KCNH1: variants seen among roughly 807,000 people sequenced by gnomAD.
KCNH1 encodes the protein voltage-gated delayed rectifier potassium channel KCNH1.
Under a neutral mutation model 69.2 loss-of-function variants are expected in KCNH1, and 27 were observed. The ratio of observed to expected loss-of-function variants is 0.39; its 90% CI spans 0.29 to 0.54. The LOEUF (loss-of-function observed/expected upper bound fraction) is 0.54. Among genes scored for constraint, KCNH1 ranks in the 20% least tolerant of loss-of-function variants. The probability of loss-of-function intolerance (pLI) is 0.68; values close to 1 mark genes in which losing one functional copy is unlikely to be tolerated. For synonymous variants in KCNH1, 456 were observed against 487.7 expected (o/e 0.93, Z 0.86); for missense variants, 798 against 1,261.6 (o/e 0.63, Z 5.57).
intron 10 of KCNH1, among the ~76,000 whole-genome samples, chr1:210,727,323 T>C (rs1287844779): frequency 6.6e-6 from 1 of 152,174 alleles, no homozygotes; most frequent in Admixed American, 6.5e-5. Context: ...TAGAGGCTTA[T>C]CTTACTCAAT....
intron 6 of KCNH1, among the ~76,000 whole-genome samples, chr1:210,956,415 A>G (rs1688178619): frequency 6.6e-6 from 1 of 152,200 alleles, no homozygotes; most frequent in Non-Finnish European, 1.5e-5. Context: ...TGCTGGCTTC[A>G]TAAAATGAGT....
intron 7 of KCNH1, among the ~76,000 whole-genome samples, chr1:210,907,547 C>A (rs1226752212): frequency 6.6e-6 from 1 of 150,554 alleles, no homozygotes; most frequent in East Asian, 1.9e-4. Context: ...AAAAAGCAAG[C>A]TGAATGGAAA....
chr1:211,109,631 A>C (rs2102487986), intron 1 of KCNH1, among the ~76,000 whole-genome samples: 1 of 152,328 alleles, frequency 6.6e-6, no homozygotes, highest in Middle Eastern at 3.4e-3. Flanking sequence ...AGAGGGAAGA[A>C]TAGCCAGTTA....
Position 210,858,170 on chromosome 1 carries a change from G to T in KCNH1, c.1463-54004C>A, listed in dbSNP as rs746802634. 6.0e-4 allele frequency: 91 copies of T among 152,136 alleles called. 1 individual carries two copies. Among genetic ancestry groups the T allele is most frequent in the Non-Finnish European group, 1.5e-4 (10 of 68,032 alleles). 9.4% of individuals were successfully genotyped at this position (152,136 alleles called of 1,614,324 possible). On this transcript the variant is annotated intron_variant, in intron 7 of 10. Coordinates refer to ENST00000271751, the MANE Select transcript of KCNH1 (RefSeq NM_172362.3). ...AATAGATTGCATATATGGGTGTTTAGCCATACTCTTAGATCAACTCTTTCA... is the reference window on the plus strand; with the variant it reads ...AATAGATTGCATATATGGGTGTTTATCCATACTCTTAGATCAACTCTTTCA...
chr1:210,906,607 G>A (rs958282026), intron 7 of KCNH1, among the ~76,000 whole-genome samples: 2 of 152,190 alleles, frequency 1.3e-5, no homozygotes, highest in South Asian at 4.1e-4. Flanking sequence ...ACATCCAGTG[G>A]GTGAAATTTT....
At chr1:211,017,079 T>A (rs976670494) in intron 6 of KCNH1, among the ~76,000 whole-genome samples, 1 of 152,048 alleles carries the variant, frequency 6.6e-6, no homozygotes, top group Non-Finnish European at 1.5e-5. Flanking sequence ...TTTAAAGTAT[T>A]TTAAAACCCA....
chr1:210,861,156 A>T, intron 7 of KCNH1: 1 of 915,514 alleles, frequency 1.1e-6, no homozygotes, highest in Non-Finnish European at 1.8e-6. Flanking sequence ...ATGCGTATAT[A>T]CTCGTAAGGG....
intron 7 of KCNH1, among the ~76,000 whole-genome samples, chr1:210,813,737 T>A (rs1323777380): frequency 6.6e-6 from 1 of 152,226 alleles, no homozygotes; most frequent in Non-Finnish European, 1.5e-5. Context: ...AAATGGGTAG[T>A]GATATGGTTT....
chr1:210,860,326 T>C, intron 7 of KCNH1: 3 of 1,395,352 alleles, frequency 2.2e-6, no homozygotes, highest in Admixed American at 1.7e-5. Context: ...GATGTCCTCA[T>C]AGAATTCTGA....
intron 3 of KCNH1, among the ~76,000 whole-genome samples, chr1:211,091,699 G>T (rs1691055677): frequency 6.6e-6 from 1 of 152,108 alleles, no homozygotes; most frequent in Non-Finnish European, 1.5e-5. Flanking sequence ...TAGAGTGGAG[G>T]AAAAACGAGT....
At chr1:210,860,437 A>G (rs1294127429) in intron 7 of KCNH1, 10 of 947,740 alleles carry the variant, frequency 1.1e-5, no homozygotes, top group South Asian at 5.1e-5. Flanking sequence ...AAGTGTGTCA[A>G]TTGTATTCAG....
intron 6 of KCNH1, among the ~76,000 whole-genome samples, chr1:210,992,493 A>C (rs2102390510): frequency 6.6e-6 from 1 of 152,362 alleles, no homozygotes; most frequent in African/African-American, 2.4e-5. Context: ...TACAGGGGTA[A>C]GGCAGCATGT....
At chr1:210,920,301 ATATAAT>A (rs1395734552) in intron 6 of KCNH1, among the ~76,000 whole-genome samples, 5 of 152,214 alleles carry the variant, frequency 3.3e-5, no homozygotes, top group Non-Finnish European at 5.9e-5. Flanking sequence ...CACAAAACAA[ATATAAT>A]TAGAATTATA....
chr1:211,072,971 G>A (rs925511992), intron 5 of KCNH1, among the ~76,000 whole-genome samples: 16 of 152,110 alleles, frequency 1.1e-4, no homozygotes, highest in South Asian at 2.1e-4. Flanking sequence ...ACTATATGTC[G>A]TCTACAGAAA....
intron 7 of KCNH1, among the ~76,000 whole-genome samples, chr1:210,850,590 G>C (rs555566225): frequency 6.6e-6 from 1 of 152,318 alleles, no homozygotes; most frequent in Non-Finnish European, 1.5e-5. Context: ...TGAATCCAAA[G>C]GGGGCTTTGG....
chr1:210,944,291 T>C (rs567767171), intron 6 of KCNH1, among the ~76,000 whole-genome samples: 45 of 152,366 alleles, frequency 3.0e-4, no homozygotes, highest in African/African-American at 1.1e-3. Flanking sequence ...AAAGTCATAA[T>C]GCATTTATGA....
At chr1:210,684,414 A>G (rs543482544) in intron 10 of KCNH1, among the ~76,000 whole-genome samples, 24 of 152,214 alleles carry the variant, frequency 1.6e-4, no homozygotes, top group African/African-American at 5.5e-4. Flanking sequence ...TCCCCTCTCC[A>G]CATGCCAGGA....
chr1:211,057,697 A>G (rs890002203), intron 5 of KCNH1, among the ~76,000 whole-genome samples: 5 of 151,688 alleles, frequency 3.3e-5, no homozygotes, highest in African/African-American at 1.2e-4. Context: ...GAGAGAGAGA[A>G]AGAAAGAGAG....
intron 7 of KCNH1, among the ~76,000 whole-genome samples, chr1:210,868,379 C>T (rs1231621685): frequency 6.6e-6 from 1 of 151,742 alleles, no homozygotes; most frequent in Admixed American, 6.6e-5. Flanking sequence ...ATTTCATTTT[C>T]TTAATGGTGT....
Sources: allele counts gnomAD v4.1 joint callset (sites outside exome capture counted in the v4.1 genomes callset), GRCh38; gene constraint gnomAD v4.1.1; transcripts MANE v1.5; gene names NCBI Gene and HGNC (gene_info 2026-07-23, HGNC 2026-07-21).